The following GPR158 variants were observed in gnomAD, a reference collection of about 807,000 sequenced individuals.
The protein encoded by GPR158 is G protein-coupled receptor 158.
In GPR158, 30 loss-of-function variants were observed where a neutral mutation model predicts 78.2. That is an observed-to-expected ratio of 0.38 (90% CI 0.29 to 0.52). The LOEUF (loss-of-function observed/expected upper bound fraction) is 0.52, where lower values mean the gene tolerates loss of function less well. Ranked by LOEUF, GPR158 falls within the 20% of genes least tolerant of loss-of-function variation. The pLI, the probability that GPR158 is intolerant of heterozygous loss-of-function variation, is 0.83. For missense variants in GPR158, 1,463 were observed against 1,523.5 expected (o/e 0.96, Z 0.66); for synonymous variants, 581 against 591.1 (o/e 0.98, Z 0.25).
Position 25,598,484 on chromosome 10 carries a change from C to A in GPR158, c.2858C>A (p.Thr953Asn). The A allele has an allele frequency of 6.2e-7, 1 of 1,614,062 alleles. No homozygotes were observed. The highest frequency in any genetic ancestry group is 1.1e-5 in the South Asian group (1 of 91,072). The stretch of plus-strand genomic sequence containing the variant: ...CACTCAAATTCTGATAACACAGAGA[C>A]TAAAGATCCTGCCCCCCAAAACTCA... ...RNHSNSDNTE[T>N]KDPAPQNSNP... is the part of the protein sequence containing the mutation. Residue 953 changes from threonine to asparagine, a missense_variant, in exon 11 of 11, where the codon ACT becomes AAT. Coordinates refer to ENST00000376351, the MANE Select transcript of GPR158 (RefSeq NM_020752.3).
chr10:25,534,822 C>T (rs887978796), intron 5 of GPR158, among the ~76,000 whole-genome samples: 2 of 152,064 alleles, frequency 1.3e-5, no homozygotes, highest in African/African-American at 4.8e-5. Context: ...TTACATCTCC[C>T]ACCTCAACAT....
At chr10:25,372,995 C>G (rs1192811570) in intron 2 of GPR158, among the ~76,000 whole-genome samples, 6 of 151,834 alleles carry the variant, frequency 4.0e-5, no homozygotes, top group African/African-American at 1.4e-4. Flanking sequence ...AAAACACATG[C>G]ATGCCTATGT....
chr10:25,483,427 G>T (rs905902804), intron 5 of GPR158, among the ~76,000 whole-genome samples: 1 of 151,714 alleles, frequency 6.6e-6, no homozygotes. Context: ...AGCTCACCCC[G>T]ACTACCCGAC....
chr10:25,547,249 C>T (rs1270089042), intron 5 of GPR158, among the ~76,000 whole-genome samples: 1 of 152,090 alleles, frequency 6.6e-6, no homozygotes, highest in Non-Finnish European at 1.5e-5. Flanking sequence ...CGGATGGATT[C>T]CCTGGTGCAC....
intron 1 of GPR158, among the ~76,000 whole-genome samples, chr10:25,214,803 G>A (rs541934038): frequency 2.6e-5 from 4 of 152,020 alleles, no homozygotes; most frequent in Admixed American, 2.6e-4. Context: ...AGGAGAAGAT[G>A]GCCATTTACA....
At chr10:25,528,050 C>T (rs1836373557) in intron 5 of GPR158, among the ~76,000 whole-genome samples, 1 of 151,938 alleles carries the variant, frequency 6.6e-6, no homozygotes, top group African/African-American at 2.4e-5. Context: ...AAAGACTTCT[C>T]AGAAATAAAG....
chr10:25,540,881 T>C (rs1836569744), intron 5 of GPR158, among the ~76,000 whole-genome samples: 1 of 151,076 alleles, frequency 6.6e-6, no homozygotes, highest in African/African-American at 2.4e-5. Flanking sequence ...ACATGGCACA[T>C]GTATACATAT....
chr10:25,325,856 GT>G (rs1326784577), intron 2 of GPR158, among the ~76,000 whole-genome samples: 1 of 150,694 alleles, frequency 6.6e-6, no homozygotes, highest in African/African-American at 2.4e-5. Flanking sequence ...TTCCCTGATG[GT>G]TAGTGATGTT....
At chr10:25,486,376 C>CTA (rs199912667) in intron 5 of GPR158, among the ~76,000 whole-genome samples, 1 of 69,216 alleles carries the variant, frequency 1.4e-5, no homozygotes, top group African/African-American at 1.0e-4. Flanking sequence ...CCCTCACTAG[C>CTA]TGTGTCGTTG....
chr10:25,218,858 A>T (rs1324414344), intron 1 of GPR158, among the ~76,000 whole-genome samples: 2 of 147,644 alleles, frequency 1.4e-5, no homozygotes, highest in South Asian at 4.3e-4. Context: ...CATGGAACTT[A>T]TTTTTTTTTT....
At chr10:25,236,333 G>A (rs1422360828) in intron 2 of GPR158, among the ~76,000 whole-genome samples, 9 of 151,866 alleles carry the variant, frequency 5.9e-5, no homozygotes, top group Admixed American at 3.3e-4. Flanking sequence ...GTGAAACCCC[G>A]TCTCTACTAA....
At chr10:25,448,737 T>C (rs1835174246) in intron 4 of GPR158, among the ~76,000 whole-genome samples, 1 of 152,218 alleles carries the variant, frequency 6.6e-6, no homozygotes, top group South Asian at 2.1e-4. Flanking sequence ...ATTATCAATG[T>C]ATGGAAATTC....
At position 25,288,784 on chromosome 10, in the gene GPR158, C is replaced by T. The variant is rs74126511; in HGVS notation, c.1008+67627C>T. Among the ~76,000 whole-genome samples the T allele has an allele frequency of 7.2e-5, 11 of 152,292 alleles. No individual in the cohort carries two copies. In the East Asian group the frequency reaches 2.1e-3, roughly 29 times the overall value. On this transcript the variant is annotated intron_variant, in intron 2 of 10. Transcript: ENST00000376351. The stretch of plus-strand genomic sequence containing the variant: ...TAATGAGTACATTTGATTGTAGAAG[C>T]CATTTGTTCTGCTAAGCTTTAAAAA...
At chr10:25,277,663 G>A (rs1162812952) in intron 2 of GPR158, among the ~76,000 whole-genome samples, 1 of 152,202 alleles carries the variant, frequency 6.6e-6, no homozygotes, top group Non-Finnish European at 1.5e-5. Flanking sequence ...ATGGCTTCCT[G>A]GTGGAGAATC....
At chr10:25,441,384 C>T (rs1835066210) in intron 4 of GPR158, among the ~76,000 whole-genome samples, 1 of 152,194 alleles carries the variant, frequency 6.6e-6, no homozygotes, top group Non-Finnish European at 1.5e-5. Context: ...GCCCTTTCTG[C>T]TTTGTAATTC....
Position 25,241,311 on chromosome 10 carries a change from T to TTCTCTTCTC in GPR158, c.1008+20155_1008+20156insCTCTTCTCT, listed in dbSNP as rs1853617867. 2.7e-3 allele frequency among the ~76,000 whole-genome samples: 283 copies of TTCTCTTCTC among 104,566 alleles called. 10 individuals are homozygous for TTCTCTTCTC. The highest frequency in any genetic ancestry group is 0.011 in the African/African-American group (251 of 22,808). 68.6% of individuals were successfully genotyped at this position (104,566 alleles called of 152,430 possible). A position where few individuals can be genotyped will look rare whatever the true frequency, so the allele number is the denominator to read the frequency against. ...TTTCTTTTCTTTTCTTTTCTTTTCT[T>TTCTCTTCTC]TTCTCTTCTCTTCTCTTCTCTTCTC... On this transcript the variant is annotated intron_variant, in intron 2 of 10. Transcript: ENST00000376351.
intron 4 of GPR158, among the ~76,000 whole-genome samples, chr10:25,465,489 A>C (rs1019788835): frequency 6.6e-6 from 1 of 152,248 alleles, no homozygotes; most frequent in African/African-American, 2.4e-5. Flanking sequence ...GTCTAACAAA[A>C]TATCTTAAGG....
chr10:25,356,239 G>T (rs1855548414), intron 2 of GPR158, among the ~76,000 whole-genome samples: 1 of 151,950 alleles, frequency 6.6e-6, no homozygotes, highest in South Asian at 2.1e-4. Context: ...CTTCTATGTG[G>T]CCCAGGAACC....
chr10:25,393,193 A>G (rs2130524841), intron 2 of GPR158, among the ~76,000 whole-genome samples: 1 of 152,294 alleles, frequency 6.6e-6, no homozygotes, highest in Non-Finnish European at 1.5e-5. Flanking sequence ...TAGCAGAGAG[A>G]TACTTTAATT....
Sources: allele counts gnomAD v4.1 joint callset (sites outside exome capture counted in the v4.1 genomes callset), GRCh38; gene constraint gnomAD v4.1.1; transcripts MANE v1.5; gene names NCBI Gene and HGNC (gene_info 2026-07-23, HGNC 2026-07-21).